Variants in STIM1 observed in about 807,000 individuals in gnomAD.
STIM1 encodes stromal interaction molecule 1.
In STIM1, 25 loss-of-function variants were observed where a neutral mutation model predicts 74.7. The observed-to-expected ratio is 0.33, with a 90% confidence interval of 0.24 to 0.47. STIM1 has a LOEUF of 0.47. STIM1 is among the 20% of genes least tolerant of loss of function. The pLI is 1.00. For synonymous variants in STIM1, 328 were observed against 348.8 expected, an observed-to-expected ratio of 0.94 and a Z score of 0.66; for missense variants, 728 against 920.8, an observed-to-expected ratio of 0.79 and a Z score of 2.71.
At chr11:4,023,049 G>A (rs1315823537) in intron 2 of STIM1, among the ~76,000 whole-genome samples, 5 of 152,160 alleles carry the variant, frequency 3.3e-5, no homozygotes, top group Non-Finnish European at 7.3e-5. Flanking sequence ...CATTACAGTC[G>A]GCCGGGTATG....
intron 1 of STIM1, among the ~76,000 whole-genome samples, chr11:3,956,368 G>A (rs1159532892): frequency 6.6e-6 from 1 of 152,064 alleles, no homozygotes; most frequent in Non-Finnish European, 1.5e-5. Context: ...GAGGTGTCAA[G>A]GCTTCTGACA....
chr11:3,937,319 A>ATAG (rs55981710), intron 1 of STIM1, among the ~76,000 whole-genome samples: 24 of 148,980 alleles, frequency 1.6e-4, no homozygotes, highest in Non-Finnish European at 2.7e-4. Flanking sequence ...AATAATAATA[A>ATAG]AATATCTGGA....
chr11:3,873,530 G>A (rs534548815), intron 1 of STIM1, among the ~76,000 whole-genome samples: 81 of 151,718 alleles, frequency 5.3e-4, no homozygotes, highest in African/African-American at 1.7e-3. Flanking sequence ...GCCTCCCAAA[G>A]TGCTAGGATT....
At chr11:3,881,217 A>G (rs943748456) in intron 1 of STIM1, among the ~76,000 whole-genome samples, 7 of 152,056 alleles carry the variant, frequency 4.6e-5, no homozygotes, top group African/African-American at 1.2e-4. Context: ...AAGGAAATCC[A>G]TACCTGTTAA....
intron 1 of STIM1, among the ~76,000 whole-genome samples, chr11:3,906,542 G>T (rs1380054975): frequency 6.6e-6 from 1 of 152,138 alleles, no homozygotes. Flanking sequence ...TTCTGTGAGG[G>T]CTTATGATGT....
At chr11:3,999,123 A>G (rs2093688510) in intron 2 of STIM1, among the ~76,000 whole-genome samples, 3 of 152,170 alleles carry the variant, frequency 2.0e-5, no homozygotes, top group Admixed American at 6.5e-5. Flanking sequence ...AGGCAGGAGG[A>G]TTGCTTGAGT....
At chr11:3,943,038 CT>C (rs1168945629) in intron 1 of STIM1, among the ~76,000 whole-genome samples, 2 of 152,186 alleles carry the variant, frequency 1.3e-5, no homozygotes, top group African/African-American at 4.8e-5. Flanking sequence ...TATATCATTT[CT>C]TTTACCCCAA....
intron 1 of STIM1, among the ~76,000 whole-genome samples, chr11:3,881,174 A>G (rs2091486000): frequency 6.6e-6 from 1 of 151,884 alleles, no homozygotes; most frequent in Admixed American, 6.6e-5. Context: ...TAGTACTATC[A>G]TAAATGTAGT....
chr11:4,091,011 C>T (rs1380868963), intron 12 of STIM1, among the ~76,000 whole-genome samples: 2 of 151,884 alleles, frequency 1.3e-5, no homozygotes, highest in African/African-American at 4.8e-5. Context: ...CAATTCTACT[C>T]TCCTTTTCCT....
intron 2 of STIM1, among the ~76,000 whole-genome samples, chr11:3,991,619 G>T (rs943232574): frequency 1.3e-5 from 2 of 151,868 alleles, no homozygotes; most frequent in Non-Finnish European, 2.9e-5. Context: ...TTGCTGGATC[G>T]AATGGTAGTT....
chr11:3,874,040 A>G (rs1038942871), intron 1 of STIM1, among the ~76,000 whole-genome samples: 13 of 152,342 alleles, frequency 8.5e-5, no homozygotes, highest in African/African-American at 3.1e-4. Context: ...CTAGAGTACC[A>G]GAAGTTGGCA....
intron 2 of STIM1, among the ~76,000 whole-genome samples, chr11:4,011,651 A>C (rs2093837376): frequency 6.6e-6 from 1 of 152,064 alleles, no homozygotes; most frequent in Admixed American, 6.6e-5. Flanking sequence ...ATAGTGCAAA[A>C]ATTTTCTCCC....
chr11:3,989,401 G>A, intron 2 of STIM1: 1 of 754,506 alleles, frequency 1.3e-6, no homozygotes, highest in Non-Finnish European at 2.5e-6. Flanking sequence ...CAACCGCGCC[G>A]ATCTCCTCTT....
chr11:3,976,358 C>T (rs2093448470), intron 2 of STIM1, among the ~76,000 whole-genome samples: 1 of 152,122 alleles, frequency 6.6e-6, no homozygotes, highest in Non-Finnish European at 1.5e-5. Context: ...GAGACTAGGT[C>T]AGTGGTTATC....
At chr11:4,042,191 TG>T (rs1289759027) in intron 3 of STIM1, among the ~76,000 whole-genome samples, 6 of 152,246 alleles carry the variant, frequency 3.9e-5, no homozygotes, top group African/African-American at 1.4e-4. Flanking sequence ...CTGGATGTAT[TG>T]CTATAGCTCA....
chr11:4,015,739 G>A (rs1034204923), intron 2 of STIM1, among the ~76,000 whole-genome samples: 32 of 152,010 alleles, frequency 2.1e-4, no homozygotes, highest in Admixed American at 1.2e-3. Flanking sequence ...AGCTTTGTTC[G>A]TTTCTTTTTA....
At chr11:3,881,583 G>A (rs1036939981) in intron 1 of STIM1, among the ~76,000 whole-genome samples, 2 of 152,166 alleles carry the variant, frequency 1.3e-5, no homozygotes, top group African/African-American at 2.4e-5. Flanking sequence ...CTGTTAGCCA[G>A]GATGGTCTCC....
chr11:4,088,359 A>C (rs761316951), intron 12 of STIM1, among the ~76,000 whole-genome samples: 1 of 151,794 alleles, frequency 6.6e-6, no homozygotes, highest in African/African-American at 2.4e-5. Flanking sequence ...GTTCTATCTC[A>C]CTCTGGATAC....
rs950165515 is a variant in STIM1, at chr11:3,931,345, A to T, written c.140-36207A>T. ...TTACAACTGCTGGGTTATATCATGC[A>T]GTGTGCTAGGTTCTGGGAACATAAA... On this transcript the variant is annotated intron_variant, in intron 1 of 12. Coordinates refer to ENST00000526596, the MANE Select transcript of STIM1 (RefSeq NM_001382567.1). Among the ~76,000 whole-genome samples the T allele has an allele frequency of 2.0e-5, 3 of 152,160 alleles. No individual in the cohort carries two copies. In the South Asian group the frequency reaches 6.2e-4, roughly 31 times the overall value.
Sources: allele counts gnomAD v4.1 joint callset (sites outside exome capture counted in the v4.1 genomes callset), GRCh38; gene constraint gnomAD v4.1.1; transcripts MANE v1.5; gene names NCBI Gene and HGNC (gene_info 2026-07-23, HGNC 2026-07-21).